UNC79: variants seen among roughly 807,000 people sequenced by gnomAD.
UNC79 encodes unc-79 subunit of NALCN channel complex, also known as protein unc-79 homolog.
UNC79 carries 37 observed loss-of-function variants against 283.1 expected under a neutral mutation model. The observed-to-expected ratio is 0.13, with a 90% confidence interval of 0.10 to 0.17. UNC79 has a LOEUF of 0.17. UNC79 is among the 10% of genes least tolerant of loss of function. The pLI, the probability that UNC79 is intolerant of heterozygous loss-of-function variation, is 1.00. For missense variants in UNC79, 2,272 were observed against 3,211.1 expected, an observed-to-expected ratio of 0.71 and a Z score of 7.07; for synonymous variants, 1,107 against 1,200.2, an observed-to-expected ratio of 0.92 and a Z score of 1.61.
chr14:93,348,173 CTG>C (rs777042835), intron 1 of UNC79: 15 of 1,178,934 alleles, frequency 1.3e-5, no homozygotes, highest in Non-Finnish European at 1.7e-5. Context: ...TCAGAAAAAG[CTG>C]TGTTTTTGTT....
exon 18 of UNC79, chr14:93,577,868 A>T (rs1307496700): frequency 6.2e-7 from 1 of 1,614,154 alleles, no homozygotes; most frequent in East Asian, 2.2e-5. Context: ...ATCCTGGCCG[A>T]CGAGTTCAGC....
chr14:93,616,170 G>C (rs2066708278), intron 27 of UNC79, among the ~76,000 whole-genome samples: 1 of 151,946 alleles, frequency 6.6e-6, no homozygotes, highest in Admixed American at 6.6e-5. Flanking sequence ...GTTTTCTGTA[G>C]TTATACAAAC....
intron 25 of UNC79, among the ~76,000 whole-genome samples, chr14:93,602,089 A>C (rs1045291585): frequency 5.3e-5 from 8 of 152,150 alleles, no homozygotes; most frequent in African/African-American, 1.9e-4. Flanking sequence ...TTTGCTGTGC[A>C]GAAACTTTTT....
intron 41 of UNC79, among the ~76,000 whole-genome samples, chr14:93,676,732 A>T (rs924608871): frequency 6.6e-6 from 1 of 152,220 alleles, no homozygotes; most frequent in African/African-American, 2.4e-5. Context: ...TGCCAAAAGA[A>T]CACTGACAGT....
chr14:93,388,053 A>G (rs1478262530), intron 1 of UNC79, among the ~76,000 whole-genome samples: 3 of 151,840 alleles, frequency 2.0e-5, no homozygotes, highest in Middle Eastern at 3.2e-3. Context: ...ACCTCGGTCT[A>G]GGATTATAGG....
intron 47 of UNC79, among the ~76,000 whole-genome samples, chr14:93,696,590 G>A (rs1203143042): frequency 6.6e-6 from 1 of 152,086 alleles, no homozygotes; most frequent in African/African-American, 2.4e-5. Context: ...ATCTTTTCAT[G>A]TACTTATTTG....
chr14:93,704,572 T>G, intron 47 of UNC79, 53 bp from the exon 51 acceptor site: 1 of 1,597,572 alleles, frequency 6.3e-7, no homozygotes, highest in South Asian at 1.1e-5. Flanking sequence ...GAGCGAAGCT[T>G]TGTGGGAGAA....
chr14:93,458,981 G>A (rs1177873072), intron 1 of UNC79, among the ~76,000 whole-genome samples: 3 of 152,218 alleles, frequency 2.0e-5, no homozygotes, highest in African/African-American at 4.8e-5. Context: ...GCTCTGGGTA[G>A]TCAGAAAAGG....
At position 93,508,832 on chromosome 14, in the gene UNC79, A is replaced by G. The variant is rs569319789; in HGVS notation, c.898+11546A>G. Among the ~76,000 whole-genome samples the G allele has an allele frequency of 7.9e-5, 12 of 152,202 alleles. No homozygotes were observed. In the East Asian group the frequency reaches 2.3e-3, roughly 29 times the overall value. On this transcript the variant is annotated intron_variant, in intron 7 of 48. Coordinates refer to ENST00000555664, the Ensembl canonical transcript of UNC79. ...GTGTCATCTGTGCTACTTCCTTTCAAATCTTTATATCACTTATTGCTGTTT... is the reference window on the plus strand; with the variant it reads ...GTGTCATCTGTGCTACTTCCTTTCAGATCTTTATATCACTTATTGCTGTTT...
chr14:93,457,415 C>T (rs1422517799), intron 1 of UNC79, among the ~76,000 whole-genome samples: 1 of 152,204 alleles, frequency 6.6e-6, no homozygotes, highest in Non-Finnish European at 1.5e-5. Context: ...TAGTTACCTA[C>T]TGGGGAAATG....
intron 17 of UNC79, among the ~76,000 whole-genome samples, chr14:93,575,972 G>A (rs949242795): frequency 3.9e-5 from 6 of 152,196 alleles, no homozygotes; most frequent in African/African-American, 1.2e-4. Context: ...TGCATTCAGT[G>A]TTTTAAAGAA....
chr14:93,537,897 C>T lies in UNC79; in HGVS notation c.1123-92C>T, dbSNP rs1053968502. 27 of 1,250,694 alleles carry T rather than the reference C, an allele frequency of 2.2e-5. No individual in the cohort carries two copies. The African/African-American group carries it at 3.5e-4, about 16-fold the overall frequency. The allele number at this position is 1,250,694 out of a possible 1,614,324, so 77.5% of individuals were successfully genotyped here. ...GTGGCCCTTGAATGTGTTGTCACTT[C>T]GAGTGGCCCCTTAAGTTTTCATTTA... is the stretch of plus-strand genomic sequence containing the variant. On this transcript the variant is annotated intron_variant, in intron 11 of 48. Coordinates refer to ENST00000555664, the Ensembl canonical transcript of UNC79.
chr14:93,508,330 G>A (rs2059651346), intron 7 of UNC79, among the ~76,000 whole-genome samples: 1 of 152,100 alleles, frequency 6.6e-6, no homozygotes, highest in African/African-American at 2.4e-5. Context: ...AACAGTCTGG[G>A]CAACATGGTG....
intron 1 of UNC79, among the ~76,000 whole-genome samples, chr14:93,398,166 A>G (rs2055036304): frequency 6.6e-6 from 1 of 152,144 alleles, no homozygotes; most frequent in Non-Finnish European, 1.5e-5. Context: ...GTTCTGTTTT[A>G]CAAGATATAG....
At chr14:93,689,172 C>A in intron 44 of UNC79, 1 of 283,670 alleles carries the variant, frequency 3.5e-6, no homozygotes, top group Non-Finnish European at 6.5e-6. Flanking sequence ...TATTTGCCTT[C>A]AAGCAGCTTA....
chr14:93,441,385 A>G (rs1171194365), intron 1 of UNC79, among the ~76,000 whole-genome samples: 1 of 152,034 alleles, frequency 6.6e-6, no homozygotes, highest in African/African-American at 2.4e-5. Flanking sequence ...GCCAATCTGA[A>G]AATCCTTTTC....
chr14:93,547,341 T>A (rs2061649463), intron 14 of UNC79, among the ~76,000 whole-genome samples: 1 of 152,228 alleles, frequency 6.6e-6, no homozygotes, highest in Non-Finnish European at 1.5e-5. Flanking sequence ...TAAACCTAAT[T>A]AGTTTAATGT....
chr14:93,499,384 T>C (rs1240355080), intron 7 of UNC79, among the ~76,000 whole-genome samples: 1 of 152,224 alleles, frequency 6.6e-6, no homozygotes, highest in Non-Finnish European at 1.5e-5. Context: ...ACGTGAAGTA[T>C]AAATGGATAA....
intron 1 of UNC79, among the ~76,000 whole-genome samples, chr14:93,343,153 C>T (rs2053748439): frequency 6.6e-6 from 1 of 152,164 alleles, no homozygotes. Flanking sequence ...AGCAGTACCC[C>T]ACTCCTGTTA....
Sources: gnomAD v4.1 joint callset for allele counts (sites outside exome capture counted in the v4.1 genomes callset) on GRCh38, gnomAD v4.1.1 for gene constraint, MANE v1.5 for transcripts, NCBI Gene and HGNC (gene_info 2026-07-23, HGNC 2026-07-21) for gene names.